GRAMD2B: variants seen among roughly 807,000 people sequenced by gnomAD.
GRAMD2B encodes GRAM domain containing 2B.
A neutral mutation model predicts 59.2 loss-of-function variants in GRAMD2B; 41 were observed. The observed-to-expected ratio is 0.69, with a 90% CI of 0.54 to 0.90. The LOEUF (loss-of-function observed/expected upper bound fraction) is 0.90, where lower values mean the gene tolerates loss of function less well. GRAMD2B is among the 40% of genes least tolerant of loss of function. The probability of loss-of-function intolerance (pLI) is 0.00; values close to 1 mark genes in which losing one functional copy is unlikely to be tolerated. For missense variants in GRAMD2B, 424 were observed against 500.5 expected, an observed-to-expected ratio of 0.85 and a Z score of 1.46; for synonymous variants, 161 against 182.7, an observed-to-expected ratio of 0.88 and a Z score of 0.96.
intron 1 of GRAMD2B, among the ~76,000 whole-genome samples, chr5:126,412,357 T>C (rs1758884981): frequency 6.6e-6 from 1 of 152,164 alleles, no homozygotes; most frequent in South Asian, 2.1e-4. Flanking sequence ...GCTGCATCTA[T>C]TGAGATAATC....
rs1304725490 is a variant in GRAMD2B at position 126,376,832 on chromosome 5, A to G, written c.125+5265A>G. Among the ~76,000 whole-genome samples, 3 of 152,144 alleles carry G rather than the reference A, an allele frequency of 2.0e-5. 1 individual carries two copies. In the South Asian group the frequency reaches 6.2e-4, roughly 32 times the overall value. On this transcript the variant is annotated intron_variant, in intron 1 of 8. Coordinates refer to the GRAMD2B transcript ENST00000506445. ...TTCAGCAAATGGGCAAGGTCAGGGC[A>G]GGAGGACCTATGAACTCTGCAGAGC... is the stretch of plus-strand genomic sequence containing the variant.
At chr5:126,392,066 CTAAA>C (rs1756855169) in intron 1 of GRAMD2B, among the ~76,000 whole-genome samples, 1 of 152,186 alleles carries the variant, frequency 6.6e-6, no homozygotes, top group South Asian at 2.1e-4. Flanking sequence ...CATGCCTTTG[CTAAA>C]CTATATCTTC....
At chr5:126,377,381 C>T (rs1755280703) in intron 1 of GRAMD2B, among the ~76,000 whole-genome samples, 1 of 152,088 alleles carries the variant, frequency 6.6e-6, no homozygotes, top group Admixed American at 6.5e-5. Flanking sequence ...AGTTTCTACC[C>T]TCACTTATAA....
Position 126,362,394 on chromosome 5 carries a change from A to T in GRAMD2B, c.128+1935A>T, listed in dbSNP as rs182532929. ...TTTCACTTTACCTGTCTTTAATTTCATGCTTTCTAAATAACTTAAGATTTT... is the reference window on the plus strand; with the variant it reads ...TTTCACTTTACCTGTCTTTAATTTCTTGCTTTCTAAATAACTTAAGATTTT... On this transcript the variant is annotated intron_variant, in intron 1 of 13. Coordinates refer to the GRAMD2B transcript ENST00000513040. Among the ~76,000 whole-genome samples the T allele has an allele frequency of 9.4e-4, 143 of 152,332 alleles. 1 individual carries two copies. The highest frequency in any genetic ancestry group is 1.6e-3 in the Non-Finnish European group (109 of 68,016).
intron 13 of GRAMD2B, among the ~76,000 whole-genome samples, chr5:126,492,581 C>T (rs1469514289): frequency 2.0e-5 from 3 of 152,024 alleles, no homozygotes; most frequent in Non-Finnish European, 4.4e-5. Flanking sequence ...ATTAGCCAGG[C>T]ATGATGGTGC....
intron 1 of GRAMD2B, among the ~76,000 whole-genome samples, chr5:126,438,022 A>G (rs1195459214): frequency 4.6e-5 from 7 of 152,100 alleles, no homozygotes; most frequent in South Asian, 2.1e-4. Flanking sequence ...TCACGTCCCC[A>G]TGTCTGCCTG....
intron 1 of GRAMD2B, among the ~76,000 whole-genome samples, chr5:126,461,757 G>A (rs146715358): frequency 0.018 from 2,792 of 152,246 alleles, 78 homozygotes; most frequent in African/African-American, 0.062. Flanking sequence ...CAGAGATCAC[G>A]CCATTGCACT....
intron 13 of GRAMD2B, among the ~76,000 whole-genome samples, chr5:126,491,679 C>G (rs1001356635): frequency 6.6e-6 from 1 of 152,174 alleles, no homozygotes; most frequent in Non-Finnish European, 1.5e-5. Context: ...GGTTTCTACT[C>G]CCATCACAGG....
At chr5:126,442,728 G>C (rs1364713048) in intron 1 of GRAMD2B, among the ~76,000 whole-genome samples, 1 of 152,050 alleles carries the variant, frequency 6.6e-6, no homozygotes, top group Non-Finnish European at 1.5e-5. Flanking sequence ...CGTACAACTG[G>C]TGTCTCTAAA....
intron 1 of GRAMD2B, among the ~76,000 whole-genome samples, chr5:126,361,508 AAT>A (rs1491083247): frequency 9.3e-5 from 14 of 151,238 alleles, no homozygotes; most frequent in Non-Finnish European, 1.8e-4. Flanking sequence ...AAAAAAAAAA[AAT>A]TCTGTTTCCT....
intron 1 of GRAMD2B, among the ~76,000 whole-genome samples, chr5:126,402,799 T>C (rs1050641511): frequency 1.3e-5 from 2 of 151,972 alleles, no homozygotes; most frequent in African/African-American, 4.8e-5. Context: ...ATATGTGTCA[T>C]ATTACCTTTC....
intron 1 of GRAMD2B, 74 bp downstream of exon 1, chr5:126,423,763 A>G (rs1760080340): frequency 4.1e-6 from 6 of 1,451,078 alleles, no homozygotes; most frequent in South Asian, 1.3e-5. Context: ...CCCGGGACGC[A>G]TTTTGGGTGG....
In GRAMD2B at chr5:126,480,656, A is replaced by G. The variant is rs147923679; in HGVS notation, c.684A>G (p.Pro228=). The G allele has an allele frequency of 5.3e-5, 85 of 1,614,112 alleles. No homozygotes were observed. The African/African-American group carries it at 1.1e-3, about 20-fold the overall frequency. Residue 228 remains proline, a synonymous_variant, in exon 8 of 14, where the codon CCA becomes CCG. Coordinates refer to ENST00000285689, the MANE Select transcript of GRAMD2B (RefSeq NM_023927.4). ...ENTSVGNSPN[P]SSAENSFRAD... ...CAAGTGTTGGTAACAGTCCCAATCCATCTTCTGCTGAAAACAGTTTCCGAG... is the reference window on the plus strand; with the variant it reads ...CAAGTGTTGGTAACAGTCCCAATCCGTCTTCTGCTGAAAACAGTTTCCGAG...
intron 1 of GRAMD2B, among the ~76,000 whole-genome samples, chr5:126,452,699 C>G (rs1227799705): frequency 6.6e-6 from 1 of 152,140 alleles, no homozygotes; most frequent in Non-Finnish European, 1.5e-5. Context: ...TCAGTTCTTT[C>G]CTTTCTCCTC....
At chr5:126,406,771 T>G (rs1758300278) in intron 1 of GRAMD2B, among the ~76,000 whole-genome samples, 1 of 152,010 alleles carries the variant, frequency 6.6e-6, no homozygotes, top group Non-Finnish European at 1.5e-5. Flanking sequence ...AGGTTTTTAC[T>G]GTGGAAGAGT....
At chr5:126,490,080 T>C (rs181292669) in intron 13 of GRAMD2B, among the ~76,000 whole-genome samples, 138 of 152,368 alleles carry the variant, frequency 9.1e-4, no homozygotes, top group African/African-American at 3.2e-3. Context: ...ATTCTATTTA[T>C]GGGCAAATGT....
At chr5:126,431,904 T>C (rs559951705) in intron 1 of GRAMD2B, among the ~76,000 whole-genome samples, 15 of 152,182 alleles carry the variant, frequency 9.9e-5, no homozygotes, top group Non-Finnish European at 2.2e-4. Flanking sequence ...TTGACATGGC[T>C]CTTCTTCCCT....
At chr5:126,440,412 A>G (rs983536207) in intron 1 of GRAMD2B, among the ~76,000 whole-genome samples, 29 of 152,238 alleles carry the variant, frequency 1.9e-4, no homozygotes, top group African/African-American at 6.8e-4. Context: ...AAATCTGAGT[A>G]ATAAAAAGAT....
chr5:126,477,754 A>G lies in GRAMD2B; in HGVS notation c.549A>G (p.Pro183=). Residue 183 remains proline, a synonymous_variant, in exon 6 of 14, where the codon CCA becomes CCG. Coordinates refer to ENST00000285689, the MANE Select transcript of GRAMD2B (RefSeq NM_023927.4). ...AAACCAAAACTGCTCTTCTAGTGCC[A>G]AACGCCCTGATCATAGCAACAGTCA... ...IKKTKTALLV[P]NALIIATVTD... The G allele has an allele frequency of 1.2e-6, 2 of 1,612,300 alleles. No individual in the cohort carries two copies. The highest frequency in any genetic ancestry group is 2.2e-5 in the South Asian group (2 of 91,040).
Sources: allele counts gnomAD v4.1 joint callset (sites outside exome capture counted in the v4.1 genomes callset), GRCh38; gene constraint gnomAD v4.1.1; transcripts MANE v1.5; gene names NCBI Gene and HGNC (gene_info 2026-07-23, HGNC 2026-07-21).